The following MORC2 variants were observed in gnomAD, a reference collection of about 807,000 sequenced individuals.
MORC2 encodes the protein MORC family CW-type zinc finger 2, also known as ATPase MORC2.
A neutral mutation model predicts 136.0 loss-of-function variants in MORC2; 30 were observed. The ratio of observed to expected loss-of-function variants is 0.22; its 90% CI spans 0.17 to 0.30. MORC2 has a LOEUF of 0.30. Among genes scored for constraint, MORC2 ranks in the 10% least tolerant of loss-of-function variants. The pLI, the probability that MORC2 is intolerant of heterozygous loss-of-function variation, is 1.00. For synonymous variants in MORC2, 439 were observed against 487.0 expected (o/e 0.90, Z 1.30); for missense variants, 922 against 1,333.1 (o/e 0.69, Z 4.80).
intron 3 of MORC2, among the ~76,000 whole-genome samples, chr22:30,952,771 T>G (rs1226011459): frequency 6.6e-6 from 1 of 152,222 alleles, no homozygotes; most frequent in African/African-American, 2.4e-5. Context: ...CTGGTTATGA[T>G]GAGGACAAGA....
Position 30,941,691 on chromosome 22 carries a change from G to A in MORC2, c.699-133C>T. ...ACTTCTGCTGCTGCCCTGAACTGGT[G>A]CTCCCTTAGTGTGAGCACCACATCC... On this transcript the variant is annotated intron_variant, in intron 8 of 25. Coordinates refer to ENST00000397641, the MANE Select transcript of MORC2 (RefSeq NM_001303256.3). The surrounding 1 kb of genome is among the most constrained non-coding windows in gnomAD (Gnocchi z 4.6). 7.4e-7 allele frequency: 1 copy of A among 1,343,266 alleles called. No homozygotes were observed. Among genetic ancestry groups the A allele is most frequent in the East Asian group, 2.4e-5 (1 of 41,028 alleles). 83.2% of individuals were successfully genotyped at this position (1,343,266 alleles called of 1,614,324 possible). A position where few individuals can be genotyped will look rare whatever the true frequency, so the allele number is the denominator to read the frequency against.
chr22:30,954,115 G>A (rs1442349392), intron 3 of MORC2, among the ~76,000 whole-genome samples: 1 of 152,104 alleles, frequency 6.6e-6, no homozygotes, highest in African/African-American at 2.4e-5. Context: ...ACCAGCCTGG[G>A]CAACATGGTG....
chr22:30,933,933 T>A, intron 20 of MORC2, 127 bp downstream of exon 20: 1 of 1,087,202 alleles, frequency 9.2e-7, no homozygotes, highest in Non-Finnish European at 1.3e-6. Flanking sequence ...GTGGGGGGGG[T>A]AGACTGCTGG....
At position 30,932,980 on chromosome 22, in the gene MORC2, G is replaced by T. The variant is rs767566826; in HGVS notation, c.2431C>A (p.Arg811Ser). ...VRVNREWYTG[R>S]VTAVEVGKHV... is the part of the protein sequence containing the mutation. ...TTGCCCACCTCCACGGCTGTGACAC[G>T]GCCCGTGTACCACTCCCTGTTCACA... Residue 811 changes from arginine (R) to serine (S), a missense_variant, in exon 22 of 26, where the codon CGT becomes AGT. Arg to Ser is a moderately radical substitution (Grantham distance 110). This residue lies in a region of MORC2 where 263 missense variants were observed against 388.3 expected (regional missense o/e 0.68). Coordinates refer to ENST00000397641, the MANE Select transcript of MORC2 (RefSeq NM_001303256.3). This position sits in a 1 kb window ranked among gnomAD's most constrained non-coding sequence, Gnocchi z 4.4. 6.2e-7 allele frequency: 1 copy of T among 1,614,114 alleles called. No homozygotes were observed. Among genetic ancestry groups the T allele is most frequent in the Admixed American group, 1.7e-5 (1 of 60,022 alleles).
rs951687272 is a variant in MORC2, at chr22:30,941,789, A to G, written c.698+102T>C. ...GGCCCTACATACTACCCTACCACAG[A>G]ACACTGGGCAATGAATGTGCTCTCC... is the stretch of plus-strand genomic sequence containing the variant. On this transcript the variant is annotated intron_variant, in intron 8 of 25. Transcript: ENST00000397641. This position sits in a 1 kb window ranked among gnomAD's most constrained non-coding sequence, Gnocchi z 4.6. 4.9e-6 allele frequency: 6 copies of G among 1,222,100 alleles called. No individual in the cohort carries two copies. Among genetic ancestry groups the G allele is most frequent in the Non-Finnish European group, 7.1e-6 (6 of 845,666 alleles). 75.7% of individuals were successfully genotyped at this position (1,222,100 alleles called of 1,614,324 possible).
At chr22:30,930,687 G>A (rs2040562392) in intron 24 of MORC2, among the ~76,000 whole-genome samples, 1 of 152,188 alleles carries the variant, frequency 6.6e-6, no homozygotes, top group African/African-American at 2.4e-5. Context: ...CCGACATCTT[G>A]AATATACTAA....
At position 30,934,915 on chromosome 22, in the gene MORC2, G is replaced by C. The variant is rs1309955820; in HGVS notation, c.2059C>G (p.Arg687Gly). ...PANTLVKTAS[R>G]PAPLVQQLSP... Reference sequence around the variant, plus strand: ...AGTTGCTGCACCAGAGGGGCAGGTCGGGATGCAGTCTTGACGAGAGTGTTG... The same window carrying C: ...AGTTGCTGCACCAGAGGGGCAGGTCCGGATGCAGTCTTGACGAGAGTGTTG... The change falls in exon 19 of 26, where the codon CGA (arginine) becomes GGA (glycine). Residue 687 changes from arginine to glycine, a missense_variant. Coordinates refer to ENST00000397641, the MANE Select transcript of MORC2 (RefSeq NM_001303256.3). This position sits in a 1 kb window ranked among gnomAD's most constrained non-coding sequence, Gnocchi z 4.4. 6.2e-7 allele frequency: 1 copy of C among 1,614,122 alleles called. No homozygotes were observed. The highest frequency in any genetic ancestry group is 8.5e-7 in the Non-Finnish European group (1 of 1,180,024).
intron 1 of MORC2, among the ~76,000 whole-genome samples, chr22:30,965,995 A>G (rs1467214829): frequency 6.6e-6 from 1 of 152,256 alleles, no homozygotes; most frequent in East Asian, 1.9e-4. Context: ...TGGCAGCTAT[A>G]TAGCCATTAC....
chr22:30,934,616 C>G lies in MORC2; in HGVS notation c.2193+165G>C, dbSNP rs1031914557. ...AGGCAACCGATGTGCTGTCTGGCCC[C>G]AACAAGTCCGTTCAGCTATCAAGGC... On this transcript the variant is annotated intron_variant, in intron 19 of 25. Transcript: ENST00000397641. This position sits in a 1 kb window ranked among gnomAD's most constrained non-coding sequence, Gnocchi z 4.4. 6.6e-6 allele frequency among the ~76,000 whole-genome samples: 1 copy of G among 152,166 alleles called. No homozygotes were observed. The highest frequency in any genetic ancestry group is 2.4e-5 in the African/African-American group (1 of 41,428).
chr22:30,950,489 AG>A (rs1183720815), intron 3 of MORC2, 44 bp from the exon 4 acceptor site: 1 of 1,580,784 alleles, frequency 6.3e-7, no homozygotes, highest in East Asian at 2.2e-5. Context: ...TACCCACCAC[AG>A]GGTGGCAACA....
chr22:30,960,110 G>C (rs778056910), intron 1 of MORC2, among the ~76,000 whole-genome samples: 46 of 152,096 alleles, frequency 3.0e-4, no homozygotes, highest in Non-Finnish European at 5.3e-4. Context: ...TGGGATTACA[G>C]GCATGCGCCA....
chr22:30,936,828 T>C, intron 16 of MORC2, 104 bp downstream of exon 16: 1 of 1,318,336 alleles, frequency 7.6e-7, no homozygotes. Context: ...AGTTATTAGG[T>C]GTGGCAAGAC....
At chr22:30,940,888 G>A (rs2147264063) in intron 9 of MORC2, 51 bp from the exon 10 acceptor site, 1 of 1,497,734 alleles carries the variant, frequency 6.7e-7, no homozygotes, top group Non-Finnish European at 9.3e-7. Context: ...TGGGGCAGGT[G>A]GCACACCCAA....
chr22:30,938,331 A>T (rs997602267), intron 12 of MORC2, 126 bp from the exon 13 acceptor site: 3 of 1,066,814 alleles, frequency 2.8e-6, no homozygotes, highest in Non-Finnish European at 4.0e-6. Flanking sequence ...TCTCTATTTG[A>T]TGTGTAACCT....
chr22:30,954,787 C>T lies in MORC2; in HGVS notation c.157+1976G>A, dbSNP rs138500072. ...GTAGACTTGACCATTACGATTTGTACCTTCAACATCACTTGGAGAAGAGGC... is the reference window on the plus strand; with the variant it reads ...GTAGACTTGACCATTACGATTTGTATCTTCAACATCACTTGGAGAAGAGGC... On this transcript the variant is annotated intron_variant, in intron 3 of 25. Coordinates refer to ENST00000397641, the MANE Select transcript of MORC2 (RefSeq NM_001303256.3). Among the ~76,000 whole-genome samples the T allele has an allele frequency of 4.8e-3, 733 of 152,264 alleles. 1 individual carries two copies. The highest frequency in any genetic ancestry group is 0.017 in the Middle Eastern group (5 of 294).
At chr22:30,961,528 C>A (rs1271338957) in intron 1 of MORC2, among the ~76,000 whole-genome samples, 6 of 152,076 alleles carry the variant, frequency 3.9e-5, no homozygotes, top group Non-Finnish European at 8.8e-5. Flanking sequence ...TATAAAATGA[C>A]CAATTTTATC....
Position 30,941,936 on chromosome 22 carries a change from G to T in MORC2, c.653C>A (p.Ser218Ter). ...TGCCATCTGGATATCTCTTGGATTT[G>T]AGATTATGTCTAGTTCTGGCTCTCC... ...DNGEPELDII[S>*]NPRDIQMAET... The change falls in exon 8 of 26, where the codon TCA (serine) becomes TAA (stop). Residue 218 changes from serine (S) to a stop codon, truncating the protein, a stop_gained. Transcript: ENST00000397641. LOFTEE classifies it high-confidence loss of function. The surrounding 1 kb of genome is among the most constrained non-coding windows in gnomAD (Gnocchi z 4.6). 6.2e-7 allele frequency: 1 copy of T among 1,613,904 alleles called. No homozygotes were observed. Among genetic ancestry groups the T allele is most frequent in the Non-Finnish European group, 8.5e-7 (1 of 1,179,806 alleles).
intron 4 of MORC2, 24 bp downstream of exon 4, chr22:30,950,353 C>CCAAACAAAAAAAAAA: frequency 6.7e-7 from 1 of 1,481,960 alleles, no homozygotes; most frequent in Non-Finnish European, 9.4e-7. Context: ...CCCCACCCCC[C>CCAAACAAAAAAAAAA]AAAACAATAA....
intron 3 of MORC2, 72 bp downstream of exon 3, chr22:30,956,691 C>T (rs918551669): frequency 4.1e-6 from 5 of 1,228,086 alleles, no homozygotes; most frequent in Non-Finnish European, 4.6e-6. Flanking sequence ...ATTTCCCACT[C>T]AATTCTTCTT....
Sources: gnomAD v4.1 joint callset for allele counts (sites outside exome capture counted in the v4.1 genomes callset) on GRCh38, gnomAD v4.1.1 for gene constraint, gnomAD v4.1.1 regional missense constraint, Gnocchi (gnomAD v3.1) non-coding constraint, MANE v1.5 for transcripts, NCBI Gene and HGNC (gene_info 2026-07-23, HGNC 2026-07-21) for gene names.